The following CDC73 variants were observed in gnomAD, a reference collection of about 807,000 sequenced individuals.
CDC73 encodes the protein parafibromin.
In CDC73, 21 loss-of-function variants were observed where a neutral mutation model predicts 83.7. The observed-to-expected ratio is 0.25, with a 90% CI of 0.18 to 0.36. The LOEUF is 0.36. Ranked by LOEUF, CDC73 falls within the 10% of genes least tolerant of loss-of-function variation. The pLI, the probability that CDC73 is intolerant of heterozygous loss-of-function variation, is 1.00. For missense variants in CDC73, 342 were observed against 653.3 expected (o/e 0.52, Z 5.19); for synonymous variants, 224 against 212.9 (o/e 1.05, Z -0.45).
intron 1 of CDC73, 98 bp downstream of exon 1, chr1:193,122,429 T>C: frequency 1.3e-6 from 2 of 1,496,530 alleles, no homozygotes; most frequent in South Asian, 2.3e-5. Context: ...CCCCTGGGGA[T>C]GGGATAAAAC....
chr1:193,122,535 A>C, intron 1 of CDC73: 7 of 580,060 alleles, frequency 1.2e-5, no homozygotes, highest in South Asian at 1.2e-4. Context: ...TTCATCACTT[A>C]AAATTTTTGA....
chr1:193,168,838 TTA>T (rs773627839), intron 10 of CDC73, among the ~76,000 whole-genome samples: 13 of 152,252 alleles, frequency 8.5e-5, no homozygotes, highest in Admixed American at 5.2e-4. Context: ...CTCTGCTGTT[TTA>T]AAGGCAGTCA....
chr1:193,161,585 T>G (rs1354051589), intron 10 of CDC73, among the ~76,000 whole-genome samples: 64 of 123,442 alleles, frequency 5.2e-4, no homozygotes, highest in African/African-American at 1.8e-3. Context: ...TTATATAATA[T>G]ATAATAGATA....
At chr1:193,195,877 A>G (rs1458561209) in intron 10 of CDC73, among the ~76,000 whole-genome samples, 1 of 152,150 alleles carries the variant, frequency 6.6e-6, no homozygotes, top group Non-Finnish European at 1.5e-5. Flanking sequence ...GTTGAGTTGC[A>G]GGAGTTCTTT....
At chr1:193,246,884 G>T (rs1677963813) in intron 15 of CDC73, among the ~76,000 whole-genome samples, 1 of 152,076 alleles carries the variant, frequency 6.6e-6, no homozygotes, top group Non-Finnish European at 1.5e-5. Context: ...TTTGCACGAT[G>T]CAGTTCTATT....
chr1:193,124,228 A>G (rs903781218), intron 1 of CDC73, among the ~76,000 whole-genome samples: 1 of 152,250 alleles, frequency 6.6e-6, no homozygotes, highest in Admixed American at 6.5e-5. Flanking sequence ...ACATGGAAAT[A>G]TATACACATA....
intron 7 of CDC73, among the ~76,000 whole-genome samples, chr1:193,147,577 C>G (rs530005689): frequency 4.6e-5 from 7 of 152,138 alleles, no homozygotes; most frequent in African/African-American, 1.4e-4. Context: ...CCTGTGTTAG[C>G]CAGGGTGGTC....
At chr1:193,123,135 T>G (rs1675495372) in intron 1 of CDC73, among the ~76,000 whole-genome samples, 1 of 152,180 alleles carries the variant, frequency 6.6e-6, no homozygotes, top group African/African-American at 2.4e-5. Flanking sequence ...ATTAGAACCT[T>G]GAGCTACAAC....
intron 15 of CDC73, among the ~76,000 whole-genome samples, chr1:193,239,169 T>C (rs1409451558): frequency 2.0e-5 from 3 of 152,310 alleles, no homozygotes; most frequent in East Asian, 3.9e-4. Context: ...AACTCAACCT[T>C]TTCCAAATGG....
At chr1:193,156,711 G>A (rs1249359659) in intron 10 of CDC73, among the ~76,000 whole-genome samples, 1 of 152,082 alleles carries the variant, frequency 6.6e-6, no homozygotes, top group African/African-American at 2.4e-5. Flanking sequence ...AAGTGTTACG[G>A]GAGTGCTATA....
At chr1:193,183,913 TTGAA>T (rs1203104444) in intron 10 of CDC73, among the ~76,000 whole-genome samples, 3 of 151,814 alleles carry the variant, frequency 2.0e-5, no homozygotes, top group Non-Finnish European at 3.0e-5. Context: ...GGTCAGATGT[TTGAA>T]TGGATGTTTG....
At chr1:193,207,602 C>T (rs1233583125) in intron 11 of CDC73, among the ~76,000 whole-genome samples, 1 of 152,140 alleles carries the variant, frequency 6.6e-6, no homozygotes, top group African/African-American at 2.4e-5. Context: ...TACTTGCATG[C>T]CCATTTTTAG....
intron 10 of CDC73, among the ~76,000 whole-genome samples, chr1:193,161,671 C>CAT (rs1251687801): frequency 3.6e-5 from 1 of 27,848 alleles, no homozygotes; most frequent in African/African-American, 1.6e-4. Flanking sequence ...ATATATCTAT[C>CAT]ATATAATATA....
chr1:193,209,949 C>T (rs1426176469), intron 11 of CDC73, among the ~76,000 whole-genome samples: 1 of 152,036 alleles, frequency 6.6e-6, no homozygotes. Flanking sequence ...ACTCCTGTTT[C>T]CTGTTTATCC....
At chr1:193,215,967 AG>A (rs1677360416) in intron 13 of CDC73, among the ~76,000 whole-genome samples, 1 of 152,198 alleles carries the variant, frequency 6.6e-6, no homozygotes, top group Admixed American at 6.5e-5. Flanking sequence ...AGCAGTATTA[AG>A]AGGAAAGTTC....
intron 10 of CDC73, among the ~76,000 whole-genome samples, chr1:193,172,917 T>G (rs1389975742): frequency 2.0e-5 from 3 of 152,214 alleles, no homozygotes; most frequent in Non-Finnish European, 4.4e-5. Flanking sequence ...TTTAGGTTTA[T>G]TTTTTCTTTG....
In CDC73 at chr1:193,187,758, G is replaced by C. The variant is rs565519678; in HGVS notation, c.973-16037G>C. 1.3e-5 allele frequency among the ~76,000 whole-genome samples: 2 copies of C among 152,134 alleles called. 1 individual carries two copies. The highest frequency in any genetic ancestry group is 4.8e-5 in the African/African-American group (2 of 41,526). On this transcript the variant is annotated intron_variant, in intron 10 of 16. Transcript: ENST00000367435. ...AAAAAAATTTTGTCCACATATTTTT[G>C]AGCTTTGCTGATGAAATGTGCTTTG...
At chr1:193,146,019 C>T (rs951494686) in intron 7 of CDC73, among the ~76,000 whole-genome samples, 1 of 151,730 alleles carries the variant, frequency 6.6e-6, no homozygotes. Flanking sequence ...AGGAGTGATA[C>T]CTAAAGAACA....
chr1:193,247,097 G>A (rs1010619882), intron 15 of CDC73, among the ~76,000 whole-genome samples: 1 of 152,082 alleles, frequency 6.6e-6, no homozygotes, highest in South Asian at 2.1e-4. Context: ...GCTTTATCAG[G>A]CTTTGCAGAA....
Sources: allele counts gnomAD v4.1 joint callset (sites outside exome capture counted in the v4.1 genomes callset), GRCh38; gene constraint gnomAD v4.1.1; transcripts MANE v1.5; gene names NCBI Gene and HGNC (gene_info 2026-07-23, HGNC 2026-07-21).